The following FTO variants were observed in gnomAD, a reference collection of about 807,000 sequenced individuals.
FTO encodes FTO alpha-ketoglutarate dependent dioxygenase, also known as alpha-ketoglutarate-dependent dioxygenase FTO.
In FTO, 47 loss-of-function variants were observed where a neutral mutation model predicts 63.9. The ratio of observed to expected loss-of-function variants is 0.74; its 90% CI spans 0.58 to 0.94. The LOEUF (loss-of-function observed/expected upper bound fraction) is 0.94, where lower values mean the gene tolerates loss of function less well. Ranked by LOEUF, FTO falls within the 40% of genes least tolerant of loss-of-function variation. The pLI is 0.00. For synonymous variants in FTO, 207 were observed against 224.4 expected, an observed-to-expected ratio of 0.92 and a Z score of 0.69; for missense variants, 562 against 618.1, an observed-to-expected ratio of 0.91 and a Z score of 0.96.
At position 53,777,987 on chromosome 16, in the gene FTO, A is replaced by G. The variant is rs903642981; in HGVS notation, c.46-32153A>G. Among the ~76,000 whole-genome samples, 6 of 152,162 alleles carry G rather than the reference A, an allele frequency of 3.9e-5. No homozygotes were observed. In the East Asian group the frequency reaches 9.6e-4, roughly 24 times the overall value. On this transcript the variant is annotated intron_variant, in intron 1 of 8. Coordinates refer to ENST00000471389, the MANE Select transcript of FTO (RefSeq NM_001080432.3). ...TTTGAGACAACCATTTTACTTTAGT[A>G]TTTATCAGAAGTACTTTATGTATGT...
intron 8 of FTO, among the ~76,000 whole-genome samples, chr16:53,938,159 C>G (rs79868385): frequency 2.6e-5 from 4 of 152,180 alleles, no homozygotes; most frequent in African/African-American, 4.8e-5. Flanking sequence ...TTATTGTGCA[C>G]TCTTTAGTAC....
chr16:53,734,420 G>A (rs974814830), intron 1 of FTO, among the ~76,000 whole-genome samples: 1 of 152,198 alleles, frequency 6.6e-6, no homozygotes, highest in African/African-American at 2.4e-5. Flanking sequence ...TTTCAAAAAC[G>A]ATAGTTCTCT....
chr16:53,843,580 A>G (rs2079533795), intron 3 of FTO, among the ~76,000 whole-genome samples: 3 of 152,154 alleles, frequency 2.0e-5, no homozygotes, highest in Non-Finnish European at 4.4e-5. Flanking sequence ...TGCTCTTTAT[A>G]TATTTAGAAA....
At chr16:53,761,113 T>C (rs2077057860) in intron 1 of FTO, among the ~76,000 whole-genome samples, 1 of 151,446 alleles carries the variant, frequency 6.6e-6, no homozygotes, top group Admixed American at 6.6e-5. Context: ...TCTTTTTTTC[T>C]GGAGACAGGG....
At chr16:53,984,184 G>A (rs1258166652) in intron 8 of FTO, among the ~76,000 whole-genome samples, 5 of 152,088 alleles carry the variant, frequency 3.3e-5, no homozygotes, top group South Asian at 2.1e-4. Context: ...CAGATCCTTC[G>A]TTAAGGCCAA....
At chr16:54,037,384 T>G (rs2084965350) in intron 8 of FTO, among the ~76,000 whole-genome samples, 1 of 152,216 alleles carries the variant, frequency 6.6e-6, no homozygotes, top group South Asian at 2.1e-4. Context: ...AGAAAGTTGC[T>G]TTAAGGAATA....
chr16:53,908,583 C>G (rs1227909693), intron 7 of FTO, among the ~76,000 whole-genome samples: 1 of 152,166 alleles, frequency 6.6e-6, no homozygotes, highest in Non-Finnish European at 1.5e-5. Flanking sequence ...TTGCCCTGTG[C>G]CTGTCTAGGT....
intron 8 of FTO, among the ~76,000 whole-genome samples, chr16:54,036,092 A>T (rs959368420): frequency 1.3e-5 from 2 of 152,286 alleles, no homozygotes; most frequent in Non-Finnish European, 1.5e-5. Flanking sequence ...TCTCTGGTAT[A>T]TCGTTAAATA....
At chr16:53,868,093 T>C (rs1475359236) in intron 4 of FTO, among the ~76,000 whole-genome samples, 3 of 152,162 alleles carry the variant, frequency 2.0e-5, no homozygotes, top group Non-Finnish European at 4.4e-5. Flanking sequence ...TGTATTTGAA[T>C]TGAGTTTCTT....
intron 6 of FTO, among the ~76,000 whole-genome samples, 193 bp from the exon 7 acceptor site, chr16:53,888,639 A>T (rs1411202948): frequency 1.3e-5 from 2 of 151,858 alleles, no homozygotes; most frequent in Non-Finnish European, 2.9e-5. Context: ...TTTTAAGACT[A>T]CTCTTTTCTT....
At chr16:53,766,106 T>TA (rs1461799677) in intron 1 of FTO, among the ~76,000 whole-genome samples, 2 of 152,162 alleles carry the variant, frequency 1.3e-5, no homozygotes, top group Non-Finnish European at 2.9e-5. Flanking sequence ...GGATTTAAGA[T>TA]ACATTTTGTA....
intron 2 of FTO, 125 bp downstream of exon 2, chr16:53,810,342 A>G: frequency 4.2e-6 from 3 of 712,192 alleles, no homozygotes; most frequent in Non-Finnish European, 7.7e-6. Context: ...ATCACCCATG[A>G]CTTCTCATGG....
intron 7 of FTO, among the ~76,000 whole-genome samples, chr16:53,901,890 G>C (rs542068150): frequency 6.6e-6 from 1 of 152,164 alleles, no homozygotes; most frequent in African/African-American, 2.4e-5. Flanking sequence ...CCTTTACTTT[G>C]ATTCTGCTTA....
At chr16:53,916,083 A>G (rs2081857796) in intron 7 of FTO, among the ~76,000 whole-genome samples, 1 of 152,234 alleles carries the variant, frequency 6.6e-6, no homozygotes, top group Middle Eastern at 3.2e-3. Context: ...TAAACTCTGC[A>G]CAGTCTGCAT....
chr16:53,851,970 A>G (rs1350392710), intron 4 of FTO, among the ~76,000 whole-genome samples: 1 of 151,938 alleles, frequency 6.6e-6, no homozygotes, highest in Non-Finnish European at 1.5e-5. Context: ...TTGTACTTTT[A>G]TTTCTTTAAT....
chr16:54,029,284 A>G lies in FTO; in HGVS notation c.1365-82478A>G, dbSNP rs1599236568. 7.9e-5 allele frequency among the ~76,000 whole-genome samples: 12 copies of G among 152,218 alleles called. No individual in the cohort carries two copies. The South Asian group carries it at 2.5e-3, about 32-fold the overall frequency. On this transcript the variant is annotated intron_variant, in intron 8 of 8. Coordinates refer to ENST00000471389, the MANE Select transcript of FTO (RefSeq NM_001080432.3). ...GAGATTTGTAGCTTGGATGATTTAG[A>G]CAAGGGATAGTTGAGAGTTACCTAA... is the stretch of plus-strand genomic sequence containing the variant.
chr16:53,726,730 C>G (rs1229399819), intron 1 of FTO, among the ~76,000 whole-genome samples: 1 of 152,236 alleles, frequency 6.6e-6, no homozygotes, highest in Non-Finnish European at 1.5e-5. Flanking sequence ...CCACTCCTTG[C>G]TGCTTCACAA....
chr16:53,884,161 A>G (rs945835751), intron 6 of FTO, among the ~76,000 whole-genome samples: 1 of 152,146 alleles, frequency 6.6e-6, no homozygotes, highest in Non-Finnish European at 1.5e-5. Flanking sequence ...AAGTTTGGGC[A>G]TATGTTTTGG....
At chr16:53,807,504 G>T (rs1347149244) in intron 1 of FTO, among the ~76,000 whole-genome samples, 3 of 152,128 alleles carry the variant, frequency 2.0e-5, no homozygotes, top group Non-Finnish European at 2.9e-5. Context: ...TCGACCTATG[G>T]GACAGGTCTG....
Sources: gnomAD v4.1 joint callset for allele counts (sites outside exome capture counted in the v4.1 genomes callset) on GRCh38, gnomAD v4.1.1 for gene constraint, MANE v1.5 for transcripts, NCBI Gene and HGNC (gene_info 2026-07-23, HGNC 2026-07-21) for gene names.